Variants in HIVEP2 observed in about 807,000 individuals in gnomAD.
HIVEP2 encodes the protein transcription factor HIVEP2.
A neutral mutation model predicts 180.7 loss-of-function variants in HIVEP2; 14 were observed. The ratio of observed to expected loss-of-function variants is 0.08; its 90% CI spans 0.05 to 0.12. The LOEUF (loss-of-function observed/expected upper bound fraction) is 0.12, where lower values mean the gene tolerates loss of function less well. HIVEP2 is among the 10% of genes least tolerant of loss of function. HIVEP2 has a pLI of 1.00. For missense variants in HIVEP2, 2,579 were observed against 3,008.5 expected, an observed-to-expected ratio of 0.86 and a Z score of 3.34; for synonymous variants, 1,184 against 1,136.4, an observed-to-expected ratio of 1.04 and a Z score of -0.84.
chr6:142,783,505 A>C lies in HIVEP2; in HGVS notation c.-433+16T>G, dbSNP rs1389120566. 6.6e-6 allele frequency: 1 copy of C among 152,080 alleles called. No homozygotes were observed. Among genetic ancestry groups the C allele is most frequent in the African/African-American group, 2.4e-5 (1 of 41,422 alleles). 9.4% of individuals were successfully genotyped at this position (152,080 alleles called of 1,614,324 possible). ...TGTAACAAGAGAGTAAGAATAAATA[A>C]ATTTTAGTTATTAACCTGTTATCCT... is the stretch of plus-strand genomic sequence containing the variant. On this transcript the variant is annotated intron_variant, in intron 3 of 9. Transcript: ENST00000367603.
At chr6:142,838,179 A>G (rs576474370) in intron 1 of HIVEP2, among the ~76,000 whole-genome samples, 1 of 152,250 alleles carries the variant, frequency 6.6e-6, no homozygotes, top group South Asian at 2.1e-4. Flanking sequence ...AATAGAGAAG[A>G]CAAATAGCAG....
intron 1 of HIVEP2, among the ~76,000 whole-genome samples, chr6:142,896,347 C>G (rs183336120): frequency 6.6e-6 from 1 of 152,292 alleles, no homozygotes; most frequent in African/African-American, 2.4e-5. Context: ...CCACTTTGCC[C>G]TTTGTCTTGC....
chr6:142,932,526 A>C (rs1489144476), intron 1 of HIVEP2, among the ~76,000 whole-genome samples: 1 of 152,242 alleles, frequency 6.6e-6, no homozygotes, highest in African/African-American at 2.4e-5. Flanking sequence ...ATCCCTGGGA[A>C]ATTAATAAAA....
chr6:142,824,301 A>G (rs1381547186), intron 2 of HIVEP2, among the ~76,000 whole-genome samples: 2 of 152,254 alleles, frequency 1.3e-5, no homozygotes, highest in Admixed American at 1.3e-4. Context: ...ATTCACTAAC[A>G]GGACATTAGA....
At chr6:142,871,388 T>C (rs1049640557) in intron 1 of HIVEP2, among the ~76,000 whole-genome samples, 7 of 151,966 alleles carry the variant, frequency 4.6e-5, no homozygotes, top group Admixed American at 1.3e-4. Flanking sequence ...TCTTGCTTAT[T>C]CATTCTACAA....
At position 142,810,856 on chromosome 6, in the gene HIVEP2, A is replaced by T. The variant is rs537343274; in HGVS notation, c.-528+26079T>A. ...GGCTATAGGATCTGTCTTCAAACTG[A>T]TTTCTGCTTCATGGTTTTCCAAGGA... On this transcript the variant is annotated intron_variant, in intron 2 of 9. Transcript: ENST00000367603. Among the ~76,000 whole-genome samples, 8 of 152,118 alleles carry T rather than the reference A, an allele frequency of 5.3e-5. No homozygotes were observed. The East Asian group carries it at 1.5e-3, about 29-fold the overall frequency.
chr6:142,879,074 T>G (rs943697644), intron 1 of HIVEP2, among the ~76,000 whole-genome samples: 1 of 152,064 alleles, frequency 6.6e-6, no homozygotes, highest in Non-Finnish European at 1.5e-5. Flanking sequence ...TTCAATGAGA[T>G]TATGTGTGTA....
intron 1 of HIVEP2, among the ~76,000 whole-genome samples, chr6:142,895,623 T>A (rs1776966467): frequency 5.3e-5 from 8 of 152,218 alleles, no homozygotes; most frequent in Admixed American, 5.2e-4. Context: ...AGTGTGTATG[T>A]GCTAGTTTTA....
At chr6:142,864,375 A>C (rs1042686985) in intron 1 of HIVEP2, among the ~76,000 whole-genome samples, 1 of 152,312 alleles carries the variant, frequency 6.6e-6, no homozygotes, top group African/African-American at 2.4e-5. Flanking sequence ...GTTCCTCAAC[A>C]TCACAGCTTA....
intron 1 of HIVEP2, among the ~76,000 whole-genome samples, chr6:142,907,867 T>C (rs1188603311): frequency 1.3e-5 from 2 of 152,234 alleles, no homozygotes; most frequent in Non-Finnish European, 2.9e-5. Flanking sequence ...ATCTAAAGTC[T>C]AATAACTTTT....
At chr6:142,925,632 A>C (rs1018733734) in intron 1 of HIVEP2, among the ~76,000 whole-genome samples, 3 of 152,254 alleles carry the variant, frequency 2.0e-5, no homozygotes, top group African/African-American at 7.2e-5. Flanking sequence ...AAGTTTCCCA[A>C]GAAAAATGAC....
rs771793698 is a variant in HIVEP2 at position 142,771,670 on chromosome 6, G to A, written c.3069C>T (p.His1023=). 4.3e-6 allele frequency: 7 copies of A among 1,614,086 alleles called. No individual in the cohort carries two copies. Among genetic ancestry groups the A allele is most frequent in the African/African-American group, 2.7e-5 (2 of 74,936 alleles). Residue 1023 remains histidine, a synonymous_variant, in exon 5 of 10, where the codon CAC becomes CAT. Transcript: ENST00000367603. This position sits in a 1 kb window ranked among gnomAD's most constrained non-coding sequence, Gnocchi z 5.4. ...ATGAGCAGCGTCGCATCTCTTTCTG[G>A]TGGTGATGGCCTGGGACAGACAATG... is the stretch of plus-strand genomic sequence containing the variant. ...SYSLSVPGHH[H]QKEMRRCSSE...
intron 1 of HIVEP2, among the ~76,000 whole-genome samples, chr6:142,919,518 C>A (rs1174413353): frequency 1.3e-5 from 2 of 152,124 alleles, no homozygotes; most frequent in Non-Finnish European, 2.9e-5. Flanking sequence ...GGCTCAAATG[C>A]AAGCCATTTT....
intron 6 of HIVEP2, among the ~76,000 whole-genome samples, chr6:142,766,174 C>A (rs1246168361): frequency 6.6e-6 from 1 of 152,140 alleles, no homozygotes; most frequent in East Asian, 1.9e-4. Context: ...GAAAGGAAAT[C>A]CATCCACATA....
chr6:142,853,092 T>C (rs931573646), intron 1 of HIVEP2, among the ~76,000 whole-genome samples: 8 of 152,232 alleles, frequency 5.3e-5, no homozygotes, highest in African/African-American at 1.9e-4. Flanking sequence ...GGTAGCTAGA[T>C]CCATAGATTA....
intron 1 of HIVEP2, among the ~76,000 whole-genome samples, chr6:142,840,611 T>C (rs1775339286): frequency 6.6e-6 from 1 of 152,124 alleles, no homozygotes; most frequent in Non-Finnish European, 1.5e-5. Flanking sequence ...TTCCATGAAA[T>C]TCAGTTTTCA....
At chr6:142,889,362 C>A (rs1776795772) in intron 1 of HIVEP2, among the ~76,000 whole-genome samples, 1 of 152,080 alleles carries the variant, frequency 6.6e-6, no homozygotes, top group African/African-American at 2.4e-5. Context: ...ACTTGGGAAG[C>A]AGAGGCGGTA....
At chr6:142,782,049 A>G (rs1004191434) in intron 3 of HIVEP2, among the ~76,000 whole-genome samples, 1 of 152,258 alleles carries the variant, frequency 6.6e-6, no homozygotes, top group Non-Finnish European at 1.5e-5. Context: ...ATGACGGTAT[A>G]CAATGACTGG....
intron 1 of HIVEP2, among the ~76,000 whole-genome samples, chr6:142,917,897 T>C (rs1582965324): frequency 6.6e-6 from 1 of 152,154 alleles, no homozygotes; most frequent in South Asian, 2.1e-4. Flanking sequence ...TGCTTCAGCC[T>C]CTCGAGTAGC....
Sources: gnomAD v4.1 joint callset for allele counts (sites outside exome capture counted in the v4.1 genomes callset) on GRCh38, gnomAD v4.1.1 for gene constraint, Gnocchi (gnomAD v3.1) non-coding constraint, MANE v1.5 for transcripts, NCBI Gene and HGNC (gene_info 2026-07-23, HGNC 2026-07-21) for gene names.